The following H2BC18 variants were observed in gnomAD, a reference collection of about 807,000 sequenced individuals.
H2BC18 encodes histone H2B type 2-F.
A neutral mutation model predicts 6.3 loss-of-function variants in H2BC18; 8 were observed. The observed-to-expected ratio is 1.28, with a 90% confidence interval of 0.75 to 2.31. H2BC18 has a LOEUF of 2.31. H2BC18 is among the 30% of genes most tolerant of loss of function. H2BC18 has a pLI of 0.00. For synonymous variants in H2BC18, 104 were observed against 78.1 expected (o/e 1.33, Z -1.75); for missense variants, 106 against 174.5 (o/e 0.61, Z 2.21).
downstream of H2BC18, among the ~76,000 whole-genome samples, chr1:149,807,531 C>T (rs1238792560): frequency 1.5e-4 from 3 of 20,606 alleles, no homozygotes; most frequent in Admixed American, 1.7e-3. Flanking sequence ...GGGGGGCGGG[C>T]ATGGTGGTAC....
chr1:149,790,423 T>C, intron 1 of H2BC18: 3 of 1,546,536 alleles, frequency 1.9e-6, no homozygotes, highest in Non-Finnish European at 2.6e-6. Flanking sequence ...CAAGGGTTTT[T>C]GGCCCAGACA....
chr1:149,797,882 C>T (rs1553752937), intron 1 of H2BC18, among the ~76,000 whole-genome samples: 1 of 152,126 alleles, frequency 6.6e-6, no homozygotes, highest in African/African-American at 2.4e-5. Context: ...CTCTTAAATG[C>T]ATTTTAAAGC....
intron 1 of H2BC18, among the ~76,000 whole-genome samples, chr1:149,789,372 A>G (rs1370710475): frequency 1.4e-5 from 2 of 146,720 alleles, no homozygotes; most frequent in African/African-American, 5.0e-5. Context: ...CAGCCTGGGC[A>G]ACAGAGCGAG....
At chr1:149,799,740 C>A (rs1293147344) in intron 1 of H2BC18, among the ~76,000 whole-genome samples, 2 of 152,128 alleles carry the variant, frequency 1.3e-5, no homozygotes, top group Non-Finnish European at 2.9e-5. Context: ...ACTTTTCTTT[C>A]ATCTCTGCAT....
In H2BC18 at chr1:149,812,125, C is replaced by G. The variant is rs1438376476; in HGVS notation, c.199G>C (p.Val67Leu). ...GCGATGCGCTCGAAGATGTCGTTGA[C>G]GAAGGAGTTCATGATGCCCATGGCC... ...SKAMGIMNSF[V>L]NDIFERIAGE... The change falls in exon 1 of 1, where the codon GTC (valine) becomes CTC (leucine). Residue 67 changes from valine to leucine, a missense_variant. Val to Leu is a conservative substitution (Grantham distance 32). Coordinates refer to ENST00000369167, the MANE Select transcript of H2BC18 (RefSeq NM_001024599.5). The G allele has an allele frequency of 3.7e-6, 6 of 1,614,242 alleles. No homozygotes were observed. Among genetic ancestry groups the G allele is most frequent in the South Asian group, 1.1e-5 (1 of 91,090 alleles).
intron 1 of H2BC18, among the ~76,000 whole-genome samples, chr1:149,795,759 G>A (rs1392661098): frequency 6.7e-6 from 1 of 150,222 alleles, no homozygotes; most frequent in African/African-American, 2.5e-5. Flanking sequence ...CTGTAAGGCC[G>A]CTTATAAAAA....
At chr1:149,804,209 G>A (rs2091897380) in intron 1 of H2BC18, among the ~76,000 whole-genome samples, 1 of 152,012 alleles carries the variant, frequency 6.6e-6, no homozygotes, top group Non-Finnish European at 1.5e-5. Flanking sequence ...TAGGAAAGAA[G>A]TGTTTAATGA....
chr1:149,784,792 A>G (rs587766035), intron 1 of H2BC18, among the ~76,000 whole-genome samples: 50 of 151,338 alleles, frequency 3.3e-4, no homozygotes, highest in African/African-American at 9.2e-4. Flanking sequence ...TCTTACTTTT[A>G]TCACTTAAAA....
intron 1 of H2BC18, among the ~76,000 whole-genome samples, chr1:149,800,770 G>A (rs653492): frequency 4.7e-5 from 7 of 149,584 alleles, no homozygotes; most frequent in Non-Finnish European, 1.0e-4. Flanking sequence ...CCAAATGACC[G>A]CACTCACTGC....
At chr1:149,789,569 G>T (rs587686412) in intron 1 of H2BC18, among the ~76,000 whole-genome samples, 33 of 152,300 alleles carry the variant, frequency 2.2e-4, no homozygotes, top group African/African-American at 7.9e-4. Flanking sequence ...AACCCTTACT[G>T]GTCCGTGGCC....
At chr1:149,794,076 A>G in intron 1 of H2BC18, 1 of 530,170 alleles carries the variant, frequency 1.9e-6, no homozygotes, top group South Asian at 1.5e-5. Flanking sequence ...AGTTGGAGAC[A>G]GATTCCTCGG....
intron 1 of H2BC18, among the ~76,000 whole-genome samples, chr1:149,785,332 T>G (rs2091512123): frequency 6.6e-6 from 1 of 151,518 alleles, no homozygotes; most frequent in Non-Finnish European, 1.5e-5. Context: ...AGGCTTGATG[T>G]TCCTCATGTG....
rs1241391800 is a variant in H2BC18 at position 149,792,674 on chromosome 1, G to A, written c.378-9414C>T. 3 of 1,279,080 alleles carry A rather than the reference G, an allele frequency of 2.3e-6. No individual in the cohort carries two copies. In the East Asian group the frequency reaches 1.7e-4, roughly 72 times the overall value. 79.2% of individuals were successfully genotyped at this position (1,279,080 alleles called of 1,614,324 possible). On this transcript the variant is annotated intron_variant, in intron 1 of 1. Coordinates refer to the H2BC18 transcript ENST00000545683. ...CTGTATCTGGGGGCCGCAGCCGCCA[G>A]CGCCCGGGGACCCAGCTGCGGCGAA...
At chr1:149,788,973 G>A (rs587643973) in intron 1 of H2BC18, among the ~76,000 whole-genome samples, 1,769 of 151,900 alleles carry the variant, frequency 0.012, 24 homozygotes, top group African/African-American at 0.04. Flanking sequence ...TCTCATGGAA[G>A]CCCCATAGAA....
Position 149,798,966 on chromosome 1 carries a change from T to C in H2BC18, c.377+12981A>G, listed in dbSNP as rs12082040. On this transcript the variant is annotated intron_variant, in intron 1 of 1. Transcript: ENST00000545683. Reference sequence around the variant, plus strand: ...ATCTATATCCTATTTATTTATAACATAAATCTTACTTAGCTTGTTTTACTT... The same window carrying C: ...ATCTATATCCTATTTATTTATAACACAAATCTTACTTAGCTTGTTTTACTT... Among the ~76,000 whole-genome samples the C allele has an allele frequency of 7.8e-3, 1,152 of 146,960 alleles. 11 individuals carry two copies. Among genetic ancestry groups the C allele is most frequent in the African/African-American group, 0.028 (1,102 of 39,398 alleles).
At chr1:149,791,208 T>C (rs1553751804) in intron 1 of H2BC18, 2 of 1,606,136 alleles carry the variant, frequency 1.2e-6, no homozygotes, top group Non-Finnish European at 1.7e-6. Flanking sequence ...CTAAATAGTA[T>C]CTCTTCTCTT....
chr1:149,786,086 T>C (rs1404867860), intron 1 of H2BC18: 2 of 152,164 alleles, frequency 1.3e-5, no homozygotes, highest in Non-Finnish European at 2.9e-5. Context: ...TATTTTTGTT[T>C]ACATGTTTCA....
Position 149,812,189 on chromosome 1 carries a change from C to T in H2BC18, c.135G>A (p.Val45=). 1.2e-6 allele frequency: 2 copies of T among 1,614,294 alleles called. No individual in the cohort carries two copies. The highest frequency in any genetic ancestry group is 1.7e-6 in the Non-Finnish European group (2 of 1,180,056). ...CGGTGTCGGGGTGGACCTGCTTCAG[C>T]ACCTTGTACACGTAAACGGAGTAGC... ...KESYSVYVYK[V]LKQVHPDTGI... The change falls in exon 1 of 1, where the codon GTG becomes GTA. Residue 45 remains valine (V), a synonymous_variant. Coordinates refer to ENST00000369167, the MANE Select transcript of H2BC18 (RefSeq NM_001024599.5).
chr1:149,790,635 CA>C (rs2091684678), intron 1 of H2BC18, among the ~76,000 whole-genome samples: 1 of 150,398 alleles, frequency 6.6e-6, no homozygotes, highest in South Asian at 2.2e-4. Flanking sequence ...CCCTCCCTCC[CA>C]CTCTTCCCTC....
Sources: gnomAD v4.1 joint callset for allele counts (sites outside exome capture counted in the v4.1 genomes callset) on GRCh38, gnomAD v4.1.1 for gene constraint, MANE v1.5 for transcripts, NCBI Gene and HGNC (gene_info 2026-07-23, HGNC 2026-07-21) for gene names.